The following EPDR1 variants were observed in gnomAD, a reference collection of about 807,000 sequenced individuals.
EPDR1 encodes ependymin related 1.
EPDR1 carries 27 observed loss-of-function variants against 23.7 expected under a neutral mutation model. The ratio of observed to expected loss-of-function variants is 1.14; its 90% CI spans 0.84 to 1.57. The LOEUF (loss-of-function observed/expected upper bound fraction) is 1.57. Ranked by LOEUF, EPDR1 falls within the 40% of genes most tolerant of loss-of-function variation. EPDR1 has a pLI of 0.00. For missense variants in EPDR1, 349 were observed against 290.4 expected, an observed-to-expected ratio of 1.20 and a Z score of -1.47; for synonymous variants, 137 against 118.2, an observed-to-expected ratio of 1.16 and a Z score of -1.03.
At chr7:37,925,832 A>T (rs544173582) in intron 1 of EPDR1, among the ~76,000 whole-genome samples, 1 of 152,234 alleles carries the variant, frequency 6.6e-6, no homozygotes, top group Non-Finnish European at 1.5e-5. Context: ...TACTTTTATT[A>T]TATCAGGCTG....
At chr7:37,928,263 A>G (rs1436422539) in intron 1 of EPDR1, among the ~76,000 whole-genome samples, 7 of 152,224 alleles carry the variant, frequency 4.6e-5, no homozygotes, top group Admixed American at 2.6e-4. Flanking sequence ...CAAAGTGCCC[A>G]AAGATCTGAA....
Position 37,947,768 on chromosome 7 carries a change from A to G in EPDR1, c.270-1072A>G, listed in dbSNP as rs555027592. Among the ~76,000 whole-genome samples, 3 of 152,294 alleles carry G rather than the reference A, an allele frequency of 2.0e-5. No individual in the cohort carries two copies. In the East Asian group the frequency reaches 5.8e-4, roughly 29 times the overall value. On this transcript the variant is annotated intron_variant, in intron 1 of 2. Coordinates refer to ENST00000199448, the MANE Select transcript of EPDR1 (RefSeq NM_017549.5). ...CATAGAAACACAGCAGGCTTCCCCC[A>G]ACACCAAGATGTCTCAGCTTTAAGG...
At chr7:37,945,567 A>G (rs1786257964) in intron 1 of EPDR1, among the ~76,000 whole-genome samples, 1 of 152,208 alleles carries the variant, frequency 6.6e-6, no homozygotes, top group South Asian at 2.1e-4. Context: ...TGGAGCTGAA[A>G]AACTTCCATT....
At chr7:37,948,448 A>G (rs1224040448) in intron 1 of EPDR1, among the ~76,000 whole-genome samples, 1 of 149,794 alleles carries the variant, frequency 6.7e-6, no homozygotes, top group African/African-American at 2.5e-5. Flanking sequence ...GGCTCAAGTG[A>G]TCCTCTTACT....
Position 37,920,720 on chromosome 7 carries a change from G to C in EPDR1, c.-220G>C, listed in dbSNP as rs776360140. 2 of 1,607,894 alleles carry C rather than the reference G, an allele frequency of 1.2e-6. No homozygotes were observed. Among genetic ancestry groups the C allele is most frequent in the Non-Finnish European group, 1.7e-6 (2 of 1,176,616 alleles). ...GCCCAGGCAGAAATAGCTCCCGCGC[G>C]ATTCACTGGAGCCTTCCCCGGGCCC... On this transcript the variant is annotated 5_prime_UTR_variant, in exon 1 of 3. Coordinates refer to ENST00000199448, the MANE Select transcript of EPDR1 (RefSeq NM_017549.5).
intron 2 of EPDR1, 135 bp downstream of exon 2, chr7:37,949,183 C>T: frequency 1.3e-6 from 1 of 753,236 alleles, no homozygotes; most frequent in Non-Finnish European, 2.1e-6. Context: ...CTTAGGTCTG[C>T]AGGTTACTTT....
chr7:37,933,956 C>T (rs1432191022), intron 1 of EPDR1, among the ~76,000 whole-genome samples: 1 of 151,696 alleles, frequency 6.6e-6, no homozygotes, highest in East Asian at 1.9e-4. Context: ...GGCTTATCTG[C>T]ATCCACTTAT....
intron 1 of EPDR1, among the ~76,000 whole-genome samples, chr7:37,938,707 A>T (rs1321752424): frequency 6.6e-6 from 1 of 152,206 alleles, no homozygotes; most frequent in African/African-American, 2.4e-5. Flanking sequence ...GCCATGTTTC[A>T]GCTCATGTTA....
intron 1 of EPDR1, among the ~76,000 whole-genome samples, chr7:37,934,985 C>A (rs1003913774): frequency 4.0e-5 from 6 of 151,868 alleles, no homozygotes; most frequent in Admixed American, 1.3e-4. Context: ...TAATACAAAT[C>A]AAAAATATAG....
chr7:37,924,808 C>G (rs1290997486), intron 1 of EPDR1, among the ~76,000 whole-genome samples: 1 of 152,124 alleles, frequency 6.6e-6, no homozygotes, highest in East Asian at 1.9e-4. Context: ...GAAACTTTTT[C>G]AGGTATTAAC....
At chr7:37,929,383 G>A (rs903464415) in intron 1 of EPDR1, among the ~76,000 whole-genome samples, 5 of 152,138 alleles carry the variant, frequency 3.3e-5, no homozygotes, top group Admixed American at 3.3e-4. Context: ...ATACTATGTG[G>A]GACCTAAACG....
At chr7:37,939,960 A>T (rs1333706216) in intron 1 of EPDR1, among the ~76,000 whole-genome samples, 1 of 152,228 alleles carries the variant, frequency 6.6e-6, no homozygotes, top group Non-Finnish European at 1.5e-5. Flanking sequence ...TTTACCCTAA[A>T]CATACAACTC....
Position 37,921,421 on chromosome 7 carries a change from G to A in EPDR1, c.269+213G>A, listed in dbSNP as rs571252342. The stretch of plus-strand genomic sequence containing the variant: ...CACCGAGGGCGGCCTGCTGGCGGGG[G>A]ACTCAGTAACACCCAGCGAGGCGGT... On this transcript the variant is annotated intron_variant, in intron 1 of 2. Coordinates refer to ENST00000199448, the MANE Select transcript of EPDR1 (RefSeq NM_017549.5). The A allele has an allele frequency of 4.5e-4, 628 of 1,394,052 alleles. 7 individuals carry two copies. In the South Asian group the frequency reaches 9.2e-3, roughly 20 times the overall value. 86.4% of individuals were successfully genotyped at this position (1,394,052 alleles called of 1,614,324 possible).
intron 1 of EPDR1, among the ~76,000 whole-genome samples, chr7:37,925,211 A>G (rs1212251948): frequency 6.6e-6 from 1 of 152,248 alleles, no homozygotes; most frequent in Non-Finnish European, 1.5e-5. Context: ...TTCAGGCAGC[A>G]TGTTGAACTT....
intron 1 of EPDR1, among the ~76,000 whole-genome samples, chr7:37,940,748 G>GA (rs984113156): frequency 6.6e-6 from 1 of 151,800 alleles, no homozygotes. Flanking sequence ...AAATAGGGGG[G>GA]AAAACCTGTA....
At chr7:37,933,405 T>G (rs1313815163) in intron 1 of EPDR1, among the ~76,000 whole-genome samples, 1 of 152,224 alleles carries the variant, frequency 6.6e-6, no homozygotes, top group Admixed American at 6.5e-5. Context: ...CTTCCCCCTG[T>G]TGAGAGCGAG....
intron 1 of EPDR1, among the ~76,000 whole-genome samples, chr7:37,935,039 A>G (rs1182532753): frequency 6.6e-6 from 1 of 152,246 alleles, no homozygotes; most frequent in Non-Finnish European, 1.5e-5. Context: ...TATAAAGATT[A>G]TAAATAATCT....
chr7:37,936,285 C>T (rs533003061), intron 1 of EPDR1, among the ~76,000 whole-genome samples: 1 of 151,958 alleles, frequency 6.6e-6, no homozygotes, highest in African/African-American at 2.4e-5. Context: ...CAGTTGATAA[C>T]ATTCAACAAA....
chr7:37,951,591 T>C lies in EPDR1; in HGVS notation c.*1195T>C, dbSNP rs1786408805. 1 of 152,210 alleles carries C rather than the reference T, an allele frequency of 6.6e-6. No individual in the cohort carries two copies. Among genetic ancestry groups the C allele is most frequent in the South Asian group, 2.1e-4 (1 of 4,832 alleles). 9.4% of individuals were successfully genotyped at this position (152,210 alleles called of 1,614,324 possible). A position where few individuals can be genotyped will look rare whatever the true frequency, so the allele number is the denominator to read the frequency against. On this transcript the variant is annotated 3_prime_UTR_variant, in exon 3 of 3. Transcript: ENST00000199448. ...GTCAGTGCCCTAAGTATTCGTAGAG[T>C]GAAGAATGCCAGCCTCTCTTGTCCC...
Sources: allele counts gnomAD v4.1 joint callset (sites outside exome capture counted in the v4.1 genomes callset), GRCh38; gene constraint gnomAD v4.1.1; transcripts MANE v1.5; gene names NCBI Gene and HGNC (gene_info 2026-07-23, HGNC 2026-07-21).